Variants in SLC7A11 observed in about 807,000 individuals in gnomAD.
The protein encoded by SLC7A11 is solute carrier family 7 member 11, also known as cystine/glutamate transporter.
In SLC7A11, 35 loss-of-function variants were observed where a neutral mutation model predicts 54.5. That is an observed-to-expected ratio of 0.64 (90% CI 0.49 to 0.85). The LOEUF (loss-of-function observed/expected upper bound fraction) is 0.85. Ranked by LOEUF, SLC7A11 falls within the 40% of genes least tolerant of loss-of-function variation. SLC7A11 has a pLI of 0.00. For synonymous variants in SLC7A11, 230 were observed against 225.2 expected, an observed-to-expected ratio of 1.02 and a Z score of -0.19; for missense variants, 583 against 618.1, an observed-to-expected ratio of 0.94 and a Z score of 0.60.
chr4:138,183,069 A>G (rs1470430317), intron 8 of SLC7A11, 133 bp downstream of exon 8: 1 of 648,386 alleles, frequency 1.5e-6, no homozygotes, highest in Non-Finnish European at 2.7e-6. Flanking sequence ...ACTTGGACCA[A>G]TATTTCAATC....
chr4:138,203,368 T>A (rs891329993), intron 6 of SLC7A11, among the ~76,000 whole-genome samples: 2 of 152,130 alleles, frequency 1.3e-5, no homozygotes, highest in Non-Finnish European at 2.9e-5. Context: ...TAAATTTAAT[T>A]TTAAAATGAA....
In SLC7A11 at chr4:138,223,327, G is replaced by A. The variant is rs1737861931; in HGVS notation, c.521-3C>T. The A allele has an allele frequency of 6.2e-7, 1 of 1,612,508 alleles. No individual in the cohort carries two copies. Among genetic ancestry groups the A allele is most frequent in the Non-Finnish European group, 8.5e-7 (1 of 1,179,024 alleles). On this transcript the variant is annotated splice_region_variant and splice_polypyrimidine_tract_variant and intron_variant, in intron 3 of 11. Coordinates refer to ENST00000280612, the MANE Select transcript of SLC7A11 (RefSeq NM_014331.4). ...GCTATTTAGGACCATCACTACAGCT[G>A]CAAACAAATAGAGGAAGTTACAAAA... is the stretch of plus-strand genomic sequence containing the variant.
At chr4:138,173,843 CAA>C (rs879637733) in intron 11 of SLC7A11, among the ~76,000 whole-genome samples, 18 of 151,482 alleles carry the variant, frequency 1.2e-4, no homozygotes, top group South Asian at 6.3e-4. Flanking sequence ...AGGGAGCACT[CAA>C]GAGCAATTAA....
chr4:138,181,420 C>A, intron 9 of SLC7A11, among the ~76,000 whole-genome samples: 1 of 152,010 alleles, frequency 6.6e-6, no homozygotes, highest in Non-Finnish European at 1.5e-5. Context: ...GCTGCACATG[C>A]CAAGGACAGC....
rs376602301 is a variant in SLC7A11, at chr4:138,179,402, A to G, written c.1267-8T>C. ...TGGGATGAACAGTGGCACCTGGAAC[A>G]CAGAACACAAAAAAGTCACTTCAAA... is the stretch of plus-strand genomic sequence containing the variant. On this transcript the variant is annotated splice_region_variant and splice_polypyrimidine_tract_variant and intron_variant, in intron 10 of 11. Transcript: ENST00000280612. The G allele has an allele frequency of 1.1e-4, 184 of 1,609,772 alleles. No individual in the cohort carries two copies. Among genetic ancestry groups the G allele is most frequent in the Middle Eastern group, 1.0e-3 (6 of 6,022 alleles).
intron 5 of SLC7A11, among the ~76,000 whole-genome samples, chr4:138,217,746 C>G (rs780838971): frequency 2.0e-5 from 3 of 152,186 alleles, no homozygotes; most frequent in African/African-American, 7.2e-5. Flanking sequence ...TCTACCTCCC[C>G]GCTTTGCTCT....
intron 9 of SLC7A11, 50 bp from the exon 10 acceptor site, chr4:138,180,840 T>A (rs1260715723): frequency 6.4e-7 from 1 of 1,553,810 alleles, no homozygotes; most frequent in South Asian, 1.2e-5. Flanking sequence ...AAAACACAGA[T>A]GATTAACAAC....
intron 5 of SLC7A11, among the ~76,000 whole-genome samples, chr4:138,214,949 C>T (rs951435155): frequency 6.6e-6 from 1 of 152,114 alleles, no homozygotes; most frequent in African/African-American, 2.4e-5. Context: ...AGCCAGAGGG[C>T]AGGTCTAGCC....
intron 9 of SLC7A11, among the ~76,000 whole-genome samples, chr4:138,181,003 C>G (rs1200750461): frequency 6.6e-6 from 1 of 151,934 alleles, no homozygotes; most frequent in East Asian, 1.9e-4. Flanking sequence ...AGTGATATGG[C>G]CATTATACTT....
At chr4:138,201,906 T>G (rs1348338064) in intron 6 of SLC7A11, among the ~76,000 whole-genome samples, 1 of 152,164 alleles carries the variant, frequency 6.6e-6, no homozygotes, top group Non-Finnish European at 1.5e-5. Flanking sequence ...TTGAAAGTCA[T>G]GACAAGGATC....
At chr4:138,192,443 G>A (rs945751079) in intron 6 of SLC7A11, among the ~76,000 whole-genome samples, 8 of 151,976 alleles carry the variant, frequency 5.3e-5, no homozygotes, top group African/African-American at 1.9e-4. Context: ...TGGTGGCCAG[G>A]GACACCAATA....
rs892217600 is a variant in SLC7A11, at chr4:138,165,474, G to A, written c.*6482C>T. 2.0e-5 allele frequency: 3 copies of A among 152,420 alleles called. No individual in the cohort carries two copies. Among genetic ancestry groups the A allele is most frequent in the African/African-American group, 7.2e-5 (3 of 41,394 alleles). The allele number at this position is 152,420 out of a possible 1,614,324, so 9.4% of individuals were successfully genotyped here. A position where few individuals can be genotyped will look rare whatever the true frequency, so the allele number is the denominator to read the frequency against. Reference sequence around the variant, plus strand: ...TTTAGTATCAGTAAAAAACAACTACGTTTGTTCACCTGTTTGGCATAGGGA... The same window carrying A: ...TTTAGTATCAGTAAAAAACAACTACATTTGTTCACCTGTTTGGCATAGGGA... On this transcript the variant is annotated 3_prime_UTR_variant, in exon 12 of 12. Coordinates refer to ENST00000280612, the MANE Select transcript of SLC7A11 (RefSeq NM_014331.4).
At chr4:138,214,183 G>A (rs930172442) in intron 6 of SLC7A11, among the ~76,000 whole-genome samples, 4 of 151,830 alleles carry the variant, frequency 2.6e-5, no homozygotes, top group African/African-American at 9.7e-5. Flanking sequence ...TAATTCGATA[G>A]TTATGAAAAA....
At chr4:138,236,990 T>TC in intron 1 of SLC7A11, among the ~76,000 whole-genome samples, 1 of 144,480 alleles carries the variant, frequency 6.9e-6, no homozygotes, top group East Asian at 2.0e-4. Context: ...TTTCTTTTTT[T>TC]TTTTTTTTTT....
Position 138,171,932 on chromosome 4 carries a change from T to G in SLC7A11, c.*24A>C, listed in dbSNP as rs752342921. 2 of 1,574,134 alleles carry G rather than the reference T, an allele frequency of 1.3e-6. No homozygotes were observed. Among genetic ancestry groups the G allele is most frequent in the East Asian group, 4.8e-5 (2 of 41,958 alleles). On this transcript the variant is annotated 3_prime_UTR_variant, in exon 12 of 12. Coordinates refer to ENST00000280612, the MANE Select transcript of SLC7A11 (RefSeq NM_014331.4). ...ATTTTGTGTCTCCCCTTGGGCAGAT[T>G]GCCAAGATCTCAAGTCCATTAGTTC...
intron 1 of SLC7A11, among the ~76,000 whole-genome samples, 176 bp downstream of exon 1, chr4:138,241,617 A>G (rs1432644754): frequency 6.6e-6 from 1 of 152,196 alleles, no homozygotes; most frequent in Non-Finnish European, 1.5e-5. Flanking sequence ...GGTGTTCCAG[A>G]TCACACCAAC....
At position 138,214,641 on chromosome 4, in the gene SLC7A11, TA is replaced by T; in HGVS notation, c.747-13del. On this transcript the variant is annotated splice_polypyrimidine_tract_variant and intron_variant, in intron 5 of 11. Transcript: ENST00000280612. The stretch of plus-strand genomic sequence containing the variant: ...AGTTGAGGTAAAACCTAAAAATAGA[TA>T]AATAAATTATAAACTATTAATATAT... 1 of 1,108,560 alleles carries T rather than the reference TA, an allele frequency of 9.0e-7. No homozygotes were observed. Among genetic ancestry groups the T allele is most frequent in the South Asian group, 1.7e-5 (1 of 58,964 alleles). The allele number at this position is 1,108,560 out of a possible 1,614,324, so 68.7% of individuals were successfully genotyped here. A position where few individuals can be genotyped will look rare whatever the true frequency, so the allele number is the denominator to read the frequency against.
chr4:138,221,624 T>C (rs1486274442), intron 4 of SLC7A11, among the ~76,000 whole-genome samples: 1 of 152,200 alleles, frequency 6.6e-6, no homozygotes, highest in Non-Finnish European at 1.5e-5. Context: ...TTGATTAAAG[T>C]GTCTCTGTAT....
At position 138,223,229 on chromosome 4, in the gene SLC7A11, T is replaced by A; in HGVS notation, c.616A>T (p.Ile206Leu). The A allele has an allele frequency of 6.2e-7, 1 of 1,613,606 alleles. No individual in the cohort carries two copies. The highest frequency in any genetic ancestry group is 8.5e-7 in the Non-Finnish European group (1 of 1,179,528). Residue 206 changes from isoleucine to leucine, a missense_variant, in exon 4 of 12, where the codon ATA becomes TTA. By Grantham distance (5) the Ile-to-Leu change is conservative (BLOSUM62 2). Coordinates refer to ENST00000280612, the MANE Select transcript of SLC7A11 (RefSeq NM_014331.4). ...FCKLTAILII[I>L]VPGVMQLIKG... ...ATTAGCTGCATAACTCCAGGGACTA[T>A]AATTATCAGAATTGCTGTGAGCTTG...
Sources: allele counts gnomAD v4.1 joint callset (sites outside exome capture counted in the v4.1 genomes callset), GRCh38; gene constraint gnomAD v4.1.1; transcripts MANE v1.5; gene names NCBI Gene and HGNC (gene_info 2026-07-23, HGNC 2026-07-21).